The following UBP1 variants were observed in gnomAD, a reference collection of about 807,000 sequenced individuals.
UBP1 encodes upstream binding protein 1.
Under a neutral mutation model 76.1 loss-of-function variants are expected in UBP1, and 22 were observed. The ratio of observed to expected loss-of-function variants is 0.29; its 90% CI spans 0.21 to 0.41. The LOEUF is 0.41. Among genes scored for constraint, UBP1 ranks in the 10% least tolerant of loss-of-function variants. The pLI is 1.00. For missense variants in UBP1, 436 were observed against 668.1 expected (o/e 0.65, Z 3.83); for synonymous variants, 224 against 237.1 (o/e 0.94, Z 0.51).
chr3:33,433,461 T>C (rs1310669151), intron 1 of UBP1, among the ~76,000 whole-genome samples: 2 of 149,166 alleles, frequency 1.3e-5, no homozygotes, highest in African/African-American at 4.9e-5. Flanking sequence ...GAGACCAGCC[T>C]GACCAACAAG....
Position 33,400,967 on chromosome 3 carries a change from C to T in UBP1, c.1081G>A (p.Gly361Ser), listed in dbSNP as rs763928694. Reference sequence around the variant, plus strand: ...TTTAGGAGAAAGATACTTACTTCACCAGAGGTCTGTGAAGCTCCATCTCCC... The same window carrying T: ...TTTAGGAGAAAGATACTTACTTCACTAGAGGTCTGTGAAGCTCCATCTCCC... ...HQGDGASQTS[G>S]EQIQPSATIQ... The change falls in exon 10 of 16, where the codon GGT becomes AGT. Residue 361 changes from glycine to serine, a missense_variant. Physicochemically the swap from Gly to Ser is moderately conservative, Grantham distance 56 (BLOSUM62 0). Coordinates refer to ENST00000283629, the MANE Select transcript of UBP1 (RefSeq NM_014517.5). The T allele has an allele frequency of 2.1e-5, 33 of 1,594,294 alleles. No homozygotes were observed. The highest frequency in any genetic ancestry group is 2.7e-5 in the Non-Finnish European group (32 of 1,173,304).
chr3:33,411,976 C>G (rs1182100193), intron 4 of UBP1, among the ~76,000 whole-genome samples: 2 of 152,016 alleles, frequency 1.3e-5, no homozygotes, highest in Non-Finnish European at 2.9e-5. Context: ...AACCCGAGGT[C>G]AGGAGTTTGA....
intron 4 of UBP1, among the ~76,000 whole-genome samples, chr3:33,412,360 TA>T (rs2044608914): frequency 6.6e-6 from 1 of 151,984 alleles, no homozygotes; most frequent in South Asian, 2.1e-4. Context: ...GAAAATAATG[TA>T]TATACATACA....
intron 1 of UBP1, among the ~76,000 whole-genome samples, chr3:33,428,312 C>G (rs73826501): frequency 0.044 from 6,733 of 151,850 alleles, 480 homozygotes; most frequent in African/African-American, 0.15. Flanking sequence ...AAAACCCTCT[C>G]AGAGAGAAAG....
chr3:33,439,728 C>A lies in UBP1; in HGVS notation c.113+8G>T. On this transcript the variant is annotated splice_region_variant and intron_variant, in intron 1 of 15. Coordinates refer to ENST00000283629, the MANE Select transcript of UBP1 (RefSeq NM_014517.5). The stretch of plus-strand genomic sequence containing the variant: ...CAGAGGCTTCTCCCCGCCCAGGGAG[C>A]CCAGTACCTCATGCTGTAAGCGCCG... The A allele has an allele frequency of 3.1e-6, 5 of 1,611,380 alleles. No individual in the cohort carries two copies. The highest frequency in any genetic ancestry group is 4.2e-6 in the Non-Finnish European group (5 of 1,179,064).
At chr3:33,434,875 C>T (rs1342601009) in intron 1 of UBP1, among the ~76,000 whole-genome samples, 2 of 151,416 alleles carry the variant, frequency 1.3e-5, no homozygotes, top group Non-Finnish European at 2.9e-5. Flanking sequence ...TTAGTAGAGA[C>T]GGGGTTTCAC....
In UBP1 at chr3:33,425,758, C is replaced by T; in HGVS notation, c.114-17G>A. 2 of 1,561,120 alleles carry T rather than the reference C, an allele frequency of 1.3e-6. No homozygotes were observed. Among genetic ancestry groups the T allele is most frequent in the Non-Finnish European group, 1.8e-6 (2 of 1,139,972 alleles). ...AAGACATCACTGAAAAGCAAAAAAT[C>T]AACACTGACCTTACTTTGGGTTTGA... On this transcript the variant is annotated splice_polypyrimidine_tract_variant and intron_variant, in intron 1 of 15. Transcript: ENST00000283629.
At chr3:33,399,523 G>A (rs1388478048) in intron 11 of UBP1, among the ~76,000 whole-genome samples, 1 of 152,232 alleles carries the variant, frequency 6.6e-6, no homozygotes, top group African/African-American at 2.4e-5. Flanking sequence ...TTAGGTGGCC[G>A]TTATGCTAGT....
At position 33,431,120 on chromosome 3, in the gene UBP1, G is replaced by A. The variant is rs190065903; in HGVS notation, c.114-5379C>T. On this transcript the variant is annotated intron_variant, in intron 1 of 15. Transcript: ENST00000283629. ...AAAACTGTCCAAATTAAGAACTCAG[G>A]TTTAATAGCAGCTCAGACAGAAGTG... Among the ~76,000 whole-genome samples the A allele has an allele frequency of 3.9e-5, 6 of 152,182 alleles. No homozygotes were observed. The East Asian group carries it at 9.6e-4, about 24-fold the overall frequency.
chr3:33,416,707 C>G (rs2044737805), intron 3 of UBP1, 51 bp downstream of exon 3: 2 of 1,347,628 alleles, frequency 1.5e-6, no homozygotes, highest in South Asian at 2.8e-5. Flanking sequence ...TAAACAAAAA[C>G]TCATTCAATC....
upstream of UBP1, chr3:33,441,067 C>T (rs1419592756): frequency 2.0e-5 from 3 of 152,308 alleles, no homozygotes; most frequent in Non-Finnish European, 4.4e-5. Context: ...GTTGAACTAG[C>T]TGTTGGTCAT....
intron 3 of UBP1, among the ~76,000 whole-genome samples, chr3:33,415,691 A>C (rs1203583300): frequency 6.6e-6 from 1 of 152,056 alleles, no homozygotes; most frequent in Admixed American, 6.6e-5. Flanking sequence ...AAATCCTACT[A>C]AATTTTATTA....
At chr3:33,428,072 C>G (rs12629690) in intron 1 of UBP1, among the ~76,000 whole-genome samples, 39,238 of 150,910 alleles carry the variant, frequency 0.26, 5,994 homozygotes, top group East Asian at 0.47. Flanking sequence ...GTCCCAGCTA[C>G]TTGGAAGGCT....
chr3:33,437,380 T>C (rs75560660), intron 1 of UBP1, among the ~76,000 whole-genome samples: 10,712 of 152,210 alleles, frequency 0.07, 480 homozygotes, highest in East Asian at 0.099. Flanking sequence ...ATCTCCCACG[T>C]AGCTAGGTCT....
rs770885336 is a variant in UBP1 at position 33,425,568 on chromosome 3, A to C, written c.265+22T>G. ...TATTTCTGTAAATTCTTACATGTCA[A>C]ATGTGACATAACCACACTAACCTTG... is the stretch of plus-strand genomic sequence containing the variant. On this transcript the variant is annotated intron_variant, in intron 2 of 15. Coordinates refer to ENST00000283629, the MANE Select transcript of UBP1 (RefSeq NM_014517.5). The C allele has an allele frequency of 4.0e-6, 6 of 1,491,264 alleles. No homozygotes were observed. In the East Asian group the frequency reaches 7.0e-5, roughly 17 times the overall value. 92.4% of individuals were successfully genotyped at this position (1,491,264 alleles called of 1,614,324 possible). A position where few individuals can be genotyped will look rare whatever the true frequency, so the allele number is the denominator to read the frequency against.
chr3:33,439,813 C>A lies in UBP1; in HGVS notation c.36G>T (p.Glu12Asp). Residue 12 changes from glutamate (E) to aspartate (D), a missense_variant, in exon 1 of 16, where the codon GAG (glutamate) becomes GAT (aspartate). Glu to Asp is a conservative substitution (Grantham distance 45). Around this residue, in one of 3 missense-constraint regions of UBP1, gnomAD observed 161 missense variants for 237.9 expected, o/e 0.68. Coordinates refer to ENST00000283629, the MANE Select transcript of UBP1 (RefSeq NM_014517.5). ...CGTCGAAGTCGTGCACCAGCCCGGA[C>A]TCGATCACCTCGTCCATCTTGAGCA... ...AWVLKMDEVI[E>D]SGLVHDFDAS... 6.2e-7 allele frequency: 1 copy of A among 1,612,750 alleles called. No homozygotes were observed. Among genetic ancestry groups the A allele is most frequent in the Non-Finnish European group, 8.5e-7 (1 of 1,179,670 alleles).
intron 1 of UBP1, among the ~76,000 whole-genome samples, chr3:33,425,996 A>AATAAATATATAT (rs1404753322): frequency 5.4e-5 from 3 of 55,138 alleles, no homozygotes; most frequent in African/African-American, 2.6e-4. Flanking sequence ...GGCAGCTCTG[A>AATAAATATATAT]ATATATATAT....
At chr3:33,392,808 A>G (rs1368728503) in intron 14 of UBP1, 194 bp from the exon 15 acceptor site, 2 of 530,230 alleles carry the variant, frequency 3.8e-6, no homozygotes, top group Non-Finnish European at 6.5e-6. Context: ...CCTGTCCATA[A>G]TGGTCCCTGA....
chr3:33,388,691 C>G lies in UBP1; in HGVS notation c.*1640G>C, dbSNP rs531556173. 2.0e-5 allele frequency: 3 copies of G among 152,086 alleles called. No homozygotes were observed. Among genetic ancestry groups the G allele is most frequent in the Admixed American group, 1.3e-4 (2 of 15,280 alleles). The allele number at this position is 152,086 out of a possible 1,614,324, so 9.4% of individuals were successfully genotyped here. ...CTGGTACAGAAAACATGTGGTCACA[C>G]GAAAGCAAAGGGAAAAAGTCAGAAA... On this transcript the variant is annotated 3_prime_UTR_variant, in exon 16 of 16. Transcript: ENST00000283629.
Sources: gnomAD v4.1 joint callset for allele counts (sites outside exome capture counted in the v4.1 genomes callset) on GRCh38, gnomAD v4.1.1 for gene constraint, gnomAD v4.1.1 regional missense constraint, MANE v1.5 for transcripts, NCBI Gene and HGNC (gene_info 2026-07-23, HGNC 2026-07-21) for gene names.